Variants in CNTNAP2 observed in about 807,000 individuals in gnomAD.
CNTNAP2 encodes the protein contactin associated protein 2, also known as contactin-associated protein-like 2.
In CNTNAP2, 98 loss-of-function variants were observed where a neutral mutation model predicts 155.2. The ratio of observed to expected loss-of-function variants is 0.63; its 90% CI spans 0.54 to 0.75. CNTNAP2 has a LOEUF of 0.75. Ranked by LOEUF, CNTNAP2 falls within the 30% of genes least tolerant of loss-of-function variation. The probability of loss-of-function intolerance (pLI) is 0.00; values close to 1 mark genes in which losing one functional copy is unlikely to be tolerated. For synonymous variants in CNTNAP2, 651 were observed against 631.2 expected (o/e 1.03, Z -0.47); for missense variants, 1,727 against 1,688.1 (o/e 1.02, Z -0.40).
intron 1 of CNTNAP2, among the ~76,000 whole-genome samples, chr7:146,518,470 A>G (rs1005851656): frequency 3.3e-5 from 5 of 151,908 alleles, no homozygotes; most frequent in Admixed American, 6.6e-5. Context: ...GTTTCATTCT[A>G]TTCATTAAAA....
intron 3 of CNTNAP2, among the ~76,000 whole-genome samples, chr7:146,883,489 G>A (rs1029508416): frequency 6.6e-6 from 1 of 152,098 alleles, no homozygotes; most frequent in African/African-American, 2.4e-5. Flanking sequence ...AAAGAAAACA[G>A]TTTTTATTTT....
intron 13 of CNTNAP2, among the ~76,000 whole-genome samples, chr7:147,688,835 A>G (rs1563053601): frequency 6.6e-6 from 1 of 152,152 alleles, no homozygotes; most frequent in Admixed American, 6.5e-5. Flanking sequence ...GCATCACCTA[A>G]CTTAACCACA....
At chr7:148,015,222 A>C (rs1010861351) in intron 15 of CNTNAP2, among the ~76,000 whole-genome samples, 12 of 152,204 alleles carry the variant, frequency 7.9e-5, no homozygotes, top group Non-Finnish European at 1.3e-4. Context: ...TTTTTAAAAA[A>C]GATGCAAATA....
intron 12 of CNTNAP2, among the ~76,000 whole-genome samples, chr7:147,603,256 A>G (rs1230521571): frequency 6.6e-6 from 1 of 151,824 alleles, no homozygotes; most frequent in African/African-American, 2.4e-5. Flanking sequence ...GCATTTTTTC[A>G]TGTGTTTTTT....
intron 15 of CNTNAP2, among the ~76,000 whole-genome samples, chr7:148,041,731 T>C (rs1802679717): frequency 6.6e-6 from 1 of 152,182 alleles, no homozygotes; most frequent in African/African-American, 2.4e-5. Context: ...AGGCAATTCC[T>C]TGCAAACTAT....
chr7:146,132,483 T>C (rs1319672282), intron 1 of CNTNAP2, among the ~76,000 whole-genome samples: 2 of 152,046 alleles, frequency 1.3e-5, no homozygotes, highest in Admixed American at 6.5e-5. Flanking sequence ...GTTACATATG[T>C]ATACATGTGC....
rs1382478496 is a variant in CNTNAP2 at position 146,442,304 on chromosome 7, C to T, written c.97+325331C>T. 3.3e-5 allele frequency among the ~76,000 whole-genome samples: 5 copies of T among 151,504 alleles called. 1 individual carries two copies. The highest frequency in any genetic ancestry group is 1.2e-4 in the African/African-American group (5 of 40,850). On this transcript the variant is annotated intron_variant, in intron 1 of 23. Transcript: ENST00000361727. ...TTTCGGGAAGTCTTTTGAATGTTTGCACTTTCTTTACTTAAAATATACTAT... is the reference window on the plus strand; with the variant it reads ...TTTCGGGAAGTCTTTTGAATGTTTGTACTTTCTTTACTTAAAATATACTAT...
Position 148,132,474 on chromosome 7 carries a change from G to A in CNTNAP2, c.2554+14186G>A, listed in dbSNP as rs555417769. Among the ~76,000 whole-genome samples the A allele has an allele frequency of 1.7e-3, 263 of 150,892 alleles. 1 individual carries two copies. Among genetic ancestry groups the A allele is most frequent in the African/African-American group, 5.6e-3 (232 of 41,066 alleles). ...GATCTAGTTGTTCAGAACCTGAAAT[G>A]TATTTTAATGTAGACACCGCATTGT... On this transcript the variant is annotated intron_variant, in intron 16 of 23. Coordinates refer to ENST00000361727, the MANE Select transcript of CNTNAP2 (RefSeq NM_014141.6).
intron 1 of CNTNAP2, among the ~76,000 whole-genome samples, chr7:146,752,792 T>G (rs1801928481): frequency 6.6e-6 from 1 of 152,212 alleles, no homozygotes; most frequent in Non-Finnish European, 1.5e-5. Flanking sequence ...AGTTAATTTT[T>G]GTATGAGGTG....
intron 3 of CNTNAP2, among the ~76,000 whole-genome samples, chr7:147,018,285 T>C (rs1320424933): frequency 6.6e-6 from 1 of 152,084 alleles, no homozygotes; most frequent in Admixed American, 6.6e-5. Context: ...CAAGCCCAAT[T>C]TCTTTCTTGA....
At chr7:147,979,536 A>G (rs1175081333) in intron 15 of CNTNAP2, among the ~76,000 whole-genome samples, 1 of 152,214 alleles carries the variant, frequency 6.6e-6, no homozygotes, top group Non-Finnish European at 1.5e-5. Flanking sequence ...TGAATTTGAG[A>G]AAGTGTTCCC....
intron 2 of CNTNAP2, among the ~76,000 whole-genome samples, chr7:146,783,040 T>G (rs1167238255): frequency 4.6e-5 from 7 of 152,292 alleles, no homozygotes; most frequent in East Asian, 1.9e-4. Context: ...TCAGTATTTT[T>G]GGGGTGTTAA....
intron 11 of CNTNAP2, among the ~76,000 whole-genome samples, chr7:147,515,038 T>C (rs1799094549): frequency 6.6e-6 from 1 of 152,140 alleles, no homozygotes; most frequent in Admixed American, 6.5e-5. Flanking sequence ...TCTACTGCCC[T>C]TCCCCTTGTT....
At chr7:146,812,445 A>ATATATATATATATATAAAATAT (rs1386547927) in intron 2 of CNTNAP2, among the ~76,000 whole-genome samples, 65 of 144,544 alleles carry the variant, frequency 4.5e-4, no homozygotes, top group African/African-American at 1.3e-3. Flanking sequence ...ATATATAAAA[A>ATATATATATATATATAAAATAT]ATATATATAT....
chr7:147,989,683 A>G (rs901921773), intron 15 of CNTNAP2, among the ~76,000 whole-genome samples: 1 of 152,072 alleles, frequency 6.6e-6, no homozygotes, highest in African/African-American at 2.4e-5. Flanking sequence ...TGGCCACAAT[A>G]CCTGATTAGA....
intron 1 of CNTNAP2, among the ~76,000 whole-genome samples, chr7:146,206,719 A>G (rs1278380004): frequency 3.9e-5 from 6 of 151,958 alleles, no homozygotes; most frequent in Non-Finnish European, 5.9e-5. Flanking sequence ...ACAACTTATT[A>G]AAATGCAATT....
At chr7:147,798,471 C>T (rs756813994) in intron 13 of CNTNAP2, among the ~76,000 whole-genome samples, 1 of 152,184 alleles carries the variant, frequency 6.6e-6, no homozygotes, top group Non-Finnish European at 1.5e-5. Flanking sequence ...AGAGATACAA[C>T]TCAGTGATTC....
intron 20 of CNTNAP2, among the ~76,000 whole-genome samples, chr7:148,250,681 C>G (rs1796348809): frequency 6.6e-6 from 1 of 152,206 alleles, no homozygotes; most frequent in African/African-American, 2.4e-5. Context: ...CAGAACACTG[C>G]AGGAAAACAC....
intron 3 of CNTNAP2, among the ~76,000 whole-genome samples, chr7:146,873,333 C>T (rs1362228837): frequency 1.3e-5 from 2 of 152,130 alleles, no homozygotes; most frequent in African/African-American, 2.4e-5. Flanking sequence ...AAAATAATAG[C>T]TGTGTTATTT....
Sources: allele counts gnomAD v4.1 joint callset (sites outside exome capture counted in the v4.1 genomes callset), GRCh38; gene constraint gnomAD v4.1.1; transcripts MANE v1.5; gene names NCBI Gene and HGNC (gene_info 2026-07-23, HGNC 2026-07-21).